The following ZFP1 variants were observed in gnomAD, a reference collection of about 807,000 sequenced individuals.
ZFP1 encodes the protein zinc finger protein 1 homolog.
ZFP1 carries 32 observed loss-of-function variants against 38.5 expected under a neutral mutation model. The ratio of observed to expected loss-of-function variants is 0.83; its 90% CI spans 0.63 to 1.12. The LOEUF (loss-of-function observed/expected upper bound fraction) is 1.12, where lower values mean the gene tolerates loss of function less well. ZFP1 is among the 50% of genes most tolerant of loss of function. The probability of loss-of-function intolerance (pLI) is 0.00; values close to 1 mark genes in which losing one functional copy is unlikely to be tolerated. For missense variants in ZFP1, 616 were observed against 480.8 expected, an observed-to-expected ratio of 1.28 and a Z score of -2.63; for synonymous variants, 245 against 168.8, an observed-to-expected ratio of 1.45 and a Z score of -3.50.
At chr16:75,119,957 C>T in the ZFP1 span, among the ~76,000 whole-genome samples, 3 of 152,068 alleles carry the variant, frequency 2.0e-5, no homozygotes, top group Non-Finnish European at 1.5e-5. Context: ...GCTTTAGTTA[C>T]ACAACGAGGC....
At chr16:75,143,470 T>C in the ZFP1 span, among the ~76,000 whole-genome samples, 3 of 152,048 alleles carry the variant, frequency 2.0e-5, no homozygotes, top group Non-Finnish European at 4.4e-5. Flanking sequence ...GGTCTCGAAC[T>C]CTTGACCTCA....
At chr16:75,140,725 C>T in the ZFP1 span, among the ~76,000 whole-genome samples, 17 of 152,298 alleles carry the variant, frequency 1.1e-4, no homozygotes, top group African/African-American at 4.1e-4. Flanking sequence ...TTTGGGAGGC[C>T]AAGGCGGGCG....
intron 3 of ZFP1, among the ~76,000 whole-genome samples, chr16:75,168,657 G>A (rs2038238087): frequency 6.6e-6 from 1 of 152,164 alleles, no homozygotes; most frequent in Admixed American, 6.5e-5. Context: ...TCTCACTTAA[G>A]AGATTTGGAG....
intron 2 of ZFP1, among the ~76,000 whole-genome samples, chr16:75,165,718 ATTT>A (rs573507213): frequency 2.7e-5 from 4 of 145,962 alleles, no homozygotes; most frequent in African/African-American, 7.5e-5. Context: ...TATGCTGAGT[ATTT>A]TTTTTTTTTA....
At chr16:75,137,940 A>G in the ZFP1 span, among the ~76,000 whole-genome samples, 2 of 151,912 alleles carry the variant, frequency 1.3e-5, no homozygotes, top group East Asian at 3.9e-4. Context: ...AAATGGGGAA[A>G]AGAGACAAGC....
chr16:75,157,573 C>G (rs73617645), intron 2 of ZFP1, among the ~76,000 whole-genome samples: 1 of 151,860 alleles, frequency 6.6e-6, no homozygotes, highest in Non-Finnish European at 1.5e-5. Context: ...TGATTGATAG[C>G]TAGGTATGAA....
intron 1 of ZFP1, among the ~76,000 whole-genome samples, chr16:75,151,204 C>T (rs934889586): frequency 6.6e-6 from 1 of 151,758 alleles, no homozygotes; most frequent in Non-Finnish European, 1.5e-5. Flanking sequence ...TTTCCTGACT[C>T]CTACAACTGA....
At chr16:75,119,839 C>T in the ZFP1 span, among the ~76,000 whole-genome samples, 1 of 151,634 alleles carries the variant, frequency 6.6e-6, no homozygotes, top group African/African-American at 2.4e-5. Context: ...TCTGAAGTGG[C>T]TAAATTCACA....
At chr16:75,137,562 G>A in the ZFP1 span, among the ~76,000 whole-genome samples, 5 of 39,098 alleles carry the variant, frequency 1.3e-4, no homozygotes, top group Admixed American at 1.6e-3. Context: ...CTGGGTTCAC[G>A]CCATTCTCCT....
the ZFP1 span, among the ~76,000 whole-genome samples, chr16:75,134,420 C>T: frequency 3.2e-4 from 48 of 152,212 alleles, no homozygotes; most frequent in African/African-American, 1.2e-3. Context: ...CCAGCCTGGG[C>T]ATCAATAGCC....
At chr16:75,138,644 A>G in the ZFP1 span, among the ~76,000 whole-genome samples, 1 of 152,232 alleles carries the variant, frequency 6.6e-6, no homozygotes, top group Non-Finnish European at 1.5e-5. Flanking sequence ...CAATATGGCT[A>G]GTATCCTGAT....
chr16:75,153,219 C>T (rs2037295481), intron 2 of ZFP1, among the ~76,000 whole-genome samples: 2 of 152,150 alleles, frequency 1.3e-5, no homozygotes, highest in African/African-American at 4.8e-5. Context: ...GTGTTTTGGA[C>T]AGCACCCCCA....
Position 75,169,451 on chromosome 16 carries a change from A to G in ZFP1, c.341A>G (p.Lys114Arg). 1 of 1,612,712 alleles carries G rather than the reference A, an allele frequency of 6.2e-7. No individual in the cohort carries two copies. Residue 114 changes from lysine (K) to arginine (R), a missense_variant, in exon 4 of 4, where the codon AAA becomes AGA. Physicochemically the swap from Lys to Arg is conservative, Grantham distance 26. Coordinates refer to ENST00000570010, the MANE Select transcript of ZFP1 (RefSeq NM_153688.4). ...TATGACTTATATGAAAAAACTTTGA[A>G]ATATAATTCAGACTTGCTTAATAGT... ...YKYDLYEKTL[K>R]YNSDLLNSNR... is the part of the protein sequence containing the mutation.
rs1165591881 is a variant in ZFP1 at position 75,152,451 on chromosome 16, C to G, written c.-43-458C>G. 2.0e-5 allele frequency among the ~76,000 whole-genome samples: 3 copies of G among 152,284 alleles called. No homozygotes were observed. The South Asian group carries it at 6.2e-4, about 32-fold the overall frequency. Reference sequence around the variant, plus strand: ...AAGTTTACTGAAACTTTTCTTAGCTCCTTTGTCTACTAATGAACCTGCTGA... The same window carrying G: ...AAGTTTACTGAAACTTTTCTTAGCTGCTTTGTCTACTAATGAACCTGCTGA... On this transcript the variant is annotated intron_variant, in intron 1 of 3. Coordinates refer to ENST00000570010, the MANE Select transcript of ZFP1 (RefSeq NM_153688.4).
chr16:75,150,929 C>G (rs974199066), intron 1 of ZFP1, among the ~76,000 whole-genome samples: 14 of 152,174 alleles, frequency 9.2e-5, no homozygotes, highest in Admixed American at 2.0e-4. Context: ...GCCTCAGCCT[C>G]CCGAGTAGCT....
At chr16:75,157,591 T>G (rs1424027588) in intron 2 of ZFP1, among the ~76,000 whole-genome samples, 8 of 152,108 alleles carry the variant, frequency 5.3e-5, no homozygotes. Flanking sequence ...GAATGTGGAT[T>G]TGTCCATTCC....
At chr16:75,139,539 CAAAT>C in the ZFP1 span, among the ~76,000 whole-genome samples, 20 of 151,870 alleles carry the variant, frequency 1.3e-4, no homozygotes, top group Middle Eastern at 6.8e-3. Flanking sequence ...CAAAAATAAA[CAAAT>C]AAGTTGGGCA....
chr16:75,139,140 T>A, the ZFP1 span, among the ~76,000 whole-genome samples: 1 of 151,692 alleles, frequency 6.6e-6, no homozygotes, highest in East Asian at 1.9e-4. Flanking sequence ...GAGGCTGAGG[T>A]GGGCGGATCA....
At chr16:75,148,145 A>ATGTTATACGCAGTT (rs1302150887), upstream of ZFP1, among the ~76,000 whole-genome samples, 8 of 152,252 alleles carry the variant, frequency 5.3e-5, no homozygotes, top group East Asian at 1.5e-3. Flanking sequence ...TGCGAACTTA[A>ATGTTATACGCAGTT]TGTTATACGC....
Sources: gnomAD v4.1 joint callset for allele counts (sites outside exome capture counted in the v4.1 genomes callset) on GRCh38, gnomAD v4.1.1 for gene constraint, MANE v1.5 for transcripts, NCBI Gene and HGNC (gene_info 2026-07-23, HGNC 2026-07-21) for gene names.